The following L2HGDH variants were observed in gnomAD, a reference collection of about 807,000 sequenced individuals.
The protein encoded by L2HGDH is L-2-hydroxyglutarate dehydrogenase, mitochondrial.
In L2HGDH, 34 loss-of-function variants were observed where a neutral mutation model predicts 51.5. The observed-to-expected ratio is 0.66, with a 90% CI of 0.50 to 0.88. The LOEUF (loss-of-function observed/expected upper bound fraction) is 0.88. Ranked by LOEUF, L2HGDH falls within the 40% of genes least tolerant of loss-of-function variation. The probability of loss-of-function intolerance (pLI) is 0.00; values close to 1 mark genes in which losing one functional copy is unlikely to be tolerated. For synonymous variants in L2HGDH, 198 were observed against 197.9 expected, an observed-to-expected ratio of 1.00 and a Z score of -0.01; for missense variants, 558 against 571.9, an observed-to-expected ratio of 0.98 and a Z score of 0.25.
intron 3 of L2HGDH, among the ~76,000 whole-genome samples, chr14:50,299,291 G>C (rs1301163902): frequency 6.6e-6 from 1 of 151,994 alleles, no homozygotes; most frequent in Non-Finnish European, 1.5e-5. Flanking sequence ...TCCAAAACCT[G>C]AACAAACCAA....
rs1887958105 is a variant in L2HGDH, at chr14:50,245,606, T to G, written c.*1452A>C. 1 of 970,584 alleles carries G rather than the reference T, an allele frequency of 1.0e-6. No individual in the cohort carries two copies. The allele number at this position is 970,584 out of a possible 1,614,324, so 60.1% of individuals were successfully genotyped here. ...TTTAATTTCCAAATACAAATATTGT[T>G]GCTCTAAATAATGTGAGTTTTGTGA... On this transcript the variant is annotated 3_prime_UTR_variant, in exon 10 of 10. Coordinates refer to ENST00000267436, the MANE Select transcript of L2HGDH (RefSeq NM_024884.3).
intron 5 of L2HGDH, among the ~76,000 whole-genome samples, chr14:50,278,891 C>T (rs1282831232): frequency 1.3e-5 from 2 of 152,088 alleles, no homozygotes; most frequent in Admixed American, 1.3e-4. Context: ...ATGTATTTTC[C>T]CACAGACTAA....
chr14:50,278,519 C>T lies in L2HGDH; in HGVS notation c.738+1G>A. 1 of 1,491,038 alleles carries T rather than the reference C, an allele frequency of 6.7e-7. No individual in the cohort carries two copies. The highest frequency in any genetic ancestry group is 9.3e-7 in the Non-Finnish European group (1 of 1,075,348). 92.4% of individuals were successfully genotyped at this position (1,491,038 alleles called of 1,614,324 possible). On this transcript the variant is annotated splice_donor_variant, in intron 6 of 9. Transcript: ENST00000267436. LOFTEE classifies it high-confidence loss of function. ...CAGCAGTTTTGCTTAAGAATCTTTACCTTTGTATTCTTTATAACAATTGGA... is the reference window on the plus strand; with the variant it reads ...CAGCAGTTTTGCTTAAGAATCTTTATCTTTGTATTCTTTATAACAATTGGA...
At position 50,289,835 on chromosome 14, in the gene L2HGDH, G is replaced by A. The variant is rs150865303; in HGVS notation, c.540+4280C>T. The stretch of plus-strand genomic sequence containing the variant: ...ACTCAATGTTAATAGCCATTAAAGA[G>A]GCAGATGTGAGAATGGAGCTTATGT... On this transcript the variant is annotated intron_variant, in intron 4 of 9. Transcript: ENST00000267436. Among the ~76,000 whole-genome samples, 274 of 152,250 alleles carry A rather than the reference G, an allele frequency of 1.8e-3. 1 individual carries two copies. The highest frequency in any genetic ancestry group is 6.0e-3 in the African/African-American group (251 of 41,560).
At chr14:50,257,855 A>G (rs77076798) in intron 9 of L2HGDH, among the ~76,000 whole-genome samples, 3,414 of 151,102 alleles carry the variant, frequency 0.023, 123 homozygotes, top group African/African-American at 0.076. Flanking sequence ...TAGTTGTTGG[A>G]AGTCTAATTC....
At chr14:50,253,057 T>G (rs1029521024) in intron 9 of L2HGDH, among the ~76,000 whole-genome samples, 1 of 152,060 alleles carries the variant, frequency 6.6e-6, no homozygotes, top group Non-Finnish European at 1.5e-5. Flanking sequence ...CTTAAAACAT[T>G]CAAAAAATTT....
chr14:50,267,622 T>A, intron 8 of L2HGDH, 131 bp downstream of exon 8: 1 of 706,644 alleles, frequency 1.4e-6, no homozygotes, highest in Middle Eastern at 4.0e-4. Flanking sequence ...TTAATTTGGA[T>A]TAATACAACA....
intron 1 of L2HGDH, among the ~76,000 whole-genome samples, chr14:50,307,298 C>T (rs187614436): frequency 6.6e-6 from 1 of 152,200 alleles, no homozygotes; most frequent in East Asian, 1.9e-4. Context: ...CTTTTTCCAA[C>T]TACATGTGCC....
At chr14:50,247,300 A>C in intron 9 of L2HGDH, 47 bp from the exon 10 acceptor site, 1 of 1,593,866 alleles carries the variant, frequency 6.3e-7, no homozygotes, top group Non-Finnish European at 8.6e-7. Context: ...GACATAGGAT[A>C]CTTTACAAGT....
rs1180955902 is a variant in L2HGDH, at chr14:50,294,133, C to A, written c.522G>T (p.Lys174Asn). 6.2e-7 allele frequency: 1 copy of A among 1,613,770 alleles called. No homozygotes were observed. Among genetic ancestry groups the A allele is most frequent in the African/African-American group, 1.3e-5 (1 of 74,876 alleles). The change falls in exon 4 of 10, where the codon AAG (lysine) becomes AAT (asparagine). Residue 174 changes from lysine to asparagine, a missense_variant. By Grantham distance (94) the Lys-to-Asn change is moderately conservative. Coordinates refer to ENST00000267436, the MANE Select transcript of L2HGDH (RefSeq NM_024884.3). ...CACTTACCCTACAATATGGCTCCTT[C>A]TTTTTTATATCCTCCTGCTGGATCA... ...LRLIQQEDIK[K>N]KEPYCRGLMA...
chr14:50,290,674 T>A (rs1033851080), intron 4 of L2HGDH, among the ~76,000 whole-genome samples: 5 of 151,736 alleles, frequency 3.3e-5, no homozygotes, highest in African/African-American at 7.3e-5. Flanking sequence ...TTTCATATAT[T>A]TTTTTTTGAG....
chr14:50,254,732 T>A (rs1351508519), intron 9 of L2HGDH, among the ~76,000 whole-genome samples: 2 of 152,046 alleles, frequency 1.3e-5, no homozygotes, highest in Non-Finnish European at 2.9e-5. Context: ...CAATCCAAAT[T>A]TTAAAATAAT....
chr14:50,260,271 G>A (rs940499624), intron 9 of L2HGDH, among the ~76,000 whole-genome samples: 2 of 151,332 alleles, frequency 1.3e-5, no homozygotes, highest in African/African-American at 2.4e-5. Context: ...AGAGCCCCTA[G>A]GGGGCCTTAC....
At chr14:50,303,459 T>TAAA (rs113584778) in intron 1 of L2HGDH, among the ~76,000 whole-genome samples, 2 of 143,294 alleles carry the variant, frequency 1.4e-5, no homozygotes, top group African/African-American at 2.6e-5. Flanking sequence ...TCACATGTAT[T>TAAA]AAAAAAAAAA....
intron 8 of L2HGDH, among the ~76,000 whole-genome samples, chr14:50,265,819 C>A (rs1185570499): frequency 6.6e-6 from 1 of 152,178 alleles, no homozygotes; most frequent in African/African-American, 2.4e-5. Context: ...GAGGCTGAGG[C>A]AGGAGAATTG....
At chr14:50,262,202 G>T (rs773646366) in intron 9 of L2HGDH, among the ~76,000 whole-genome samples, 24 of 152,234 alleles carry the variant, frequency 1.6e-4, no homozygotes, top group Admixed American at 5.2e-4. Context: ...GGGAGGCCAA[G>T]GCAGGAGGAT....
intron 9 of L2HGDH, among the ~76,000 whole-genome samples, chr14:50,264,878 GTTT>G (rs1040810138): frequency 6.6e-6 from 1 of 151,782 alleles, no homozygotes; most frequent in Admixed American, 6.6e-5. Context: ...AACCTAAAAG[GTTT>G]TTTTTAAGTT....
At chr14:50,311,540 G>C (rs2139243470) in intron 1 of L2HGDH, 1 of 448,518 alleles carries the variant, frequency 2.2e-6, no homozygotes, top group Non-Finnish European at 4.5e-6. Context: ...TGCCTCCGAC[G>C]GGGGCAACAC....
At position 50,244,375 on chromosome 14, in the gene L2HGDH, C is replaced by G; in HGVS notation, c.*2683G>C. 1 of 985,268 alleles carries G rather than the reference C, an allele frequency of 1.0e-6. No homozygotes were observed. Among genetic ancestry groups the G allele is most frequent in the Non-Finnish European group, 1.2e-6 (1 of 829,800 alleles). The allele number at this position is 985,268 out of a possible 1,614,324, so 61.0% of individuals were successfully genotyped here. On this transcript the variant is annotated 3_prime_UTR_variant, in exon 10 of 10. Transcript: ENST00000267436. ...TCCTTTTCAGGGTATTGTACAGACT[C>G]AAATGGATTGAGGACTGCTTCAATT...
Sources: allele counts gnomAD v4.1 joint callset (sites outside exome capture counted in the v4.1 genomes callset), GRCh38; gene constraint gnomAD v4.1.1; transcripts MANE v1.5; gene names NCBI Gene and HGNC (gene_info 2026-07-23, HGNC 2026-07-21).